Variants in ABLIM1 observed in about 807,000 individuals in gnomAD.
ABLIM1 encodes the protein actin-binding LIM protein 1.
In ABLIM1, 40 loss-of-function variants were observed where a neutral mutation model predicts 107.0. The ratio of observed to expected loss-of-function variants is 0.37; its 90% confidence interval spans 0.29 to 0.49. The LOEUF is 0.49. Ranked by LOEUF, ABLIM1 falls within the 20% of genes least tolerant of loss-of-function variation. The pLI is 0.97. For missense variants in ABLIM1, 857 were observed against 1,008.5 expected, an observed-to-expected ratio of 0.85 and a Z score of 2.04; for synonymous variants, 357 against 357.3, an observed-to-expected ratio of 1.00 and a Z score of 0.01.
chr10:114,470,573 T>A (rs2066311329), intron 10 of ABLIM1, among the ~76,000 whole-genome samples: 2 of 152,190 alleles, frequency 1.3e-5, no homozygotes, highest in Non-Finnish European at 1.5e-5. Context: ...TATATCTGAT[T>A]TCTGATCCCA....
intron 7 of ABLIM1, among the ~76,000 whole-genome samples, chr10:114,488,712 C>T (rs1203536619): frequency 7.9e-5 from 12 of 152,256 alleles, no homozygotes; most frequent in African/African-American, 2.2e-4. Context: ...CACTTTAATG[C>T]GTGGTACCAG....
chr10:114,440,795 T>C (rs1271231263), intron 19 of ABLIM1: 1 of 651,768 alleles, frequency 1.5e-6, no homozygotes, highest in Non-Finnish European at 2.8e-6. Context: ...GCACATAGTA[T>C]GAGCAATGAA....
chr10:114,748,260 T>C (rs1404289350), intron 1 of ABLIM1, among the ~76,000 whole-genome samples: 1 of 152,150 alleles, frequency 6.6e-6, no homozygotes, highest in Admixed American at 6.5e-5. Context: ...TTATCTCTAA[T>C]ATTTTTGAGT....
chr10:114,530,930 A>G (rs1727189087), intron 6 of ABLIM1, among the ~76,000 whole-genome samples: 1 of 152,258 alleles, frequency 6.6e-6, no homozygotes, highest in South Asian at 2.1e-4. Flanking sequence ...AAAATTCACC[A>G]CGGGAAAAAT....
intron 3 of ABLIM1, 57 bp downstream of exon 3, chr10:114,575,359 A>G (rs1213425451): frequency 6.3e-7 from 1 of 1,583,712 alleles, no homozygotes; most frequent in African/African-American, 1.3e-5. Flanking sequence ...TAACAGCCCA[A>G]ACCAGCATTT....
At chr10:114,461,995 T>A (rs994098858) in intron 12 of ABLIM1, among the ~76,000 whole-genome samples, 1 of 152,150 alleles carries the variant, frequency 6.6e-6, no homozygotes, top group African/African-American at 2.4e-5. Context: ...TTTCAAAACA[T>A]AGAGAATGCT....
intron 22 of ABLIM1, 124 bp downstream of exon 22, chr10:114,437,720 A>G: frequency 1.3e-6 from 1 of 783,766 alleles, no homozygotes; most frequent in South Asian, 1.8e-5. Flanking sequence ...TCTACCTATG[A>G]CATGAGGGTG....
intron 4 of ABLIM1, among the ~76,000 whole-genome samples, chr10:114,557,556 A>T (rs1189981782): frequency 6.6e-6 from 1 of 152,130 alleles, no homozygotes; most frequent in African/African-American, 2.4e-5. Flanking sequence ...TAGTTTTCAT[A>T]AATAGAGGCC....
At position 114,545,074 on chromosome 10, in the gene ABLIM1, C is replaced by T; in HGVS notation, c.825G>A (p.Lys275=). The T allele has an allele frequency of 1.2e-6, 2 of 1,614,182 alleles. No homozygotes were observed. Among genetic ancestry groups the T allele is most frequent in the Non-Finnish European group, 1.7e-6 (2 of 1,180,030 alleles). Residue 275 remains lysine (K), a synonymous_variant, in exon 6 of 23, where the codon AAG becomes AAA. Transcript: ENST00000533213. ...ISKDGAPYCE[K]DYQGLFGVKC... is the part of the protein sequence containing the mutation. ...TCACCCCAAAGAGTCCCTGGTAGTCCTTTTCACAGTACGGAGCACCATCCC... is the reference window on the plus strand; with the variant it reads ...TCACCCCAAAGAGTCCCTGGTAGTCTTTTTCACAGTACGGAGCACCATCCC...
chr10:114,471,412 T>C (rs1323559714), intron 10 of ABLIM1, among the ~76,000 whole-genome samples: 3 of 152,146 alleles, frequency 2.0e-5, no homozygotes, highest in African/African-American at 7.2e-5. Context: ...AAGGCCAATC[T>C]CTATGCACTT....
chr10:114,484,439 G>A (rs2057876291), intron 8 of ABLIM1, among the ~76,000 whole-genome samples: 2 of 152,086 alleles, frequency 1.3e-5, no homozygotes, highest in Admixed American at 6.5e-5. Context: ...CTGGAGTGCA[G>A]TGGCGCAATC....
At chr10:114,512,855 AGAAGGAAGGAAG>A (rs869261400) in intron 6 of ABLIM1, among the ~76,000 whole-genome samples, 19 of 51,320 alleles carry the variant, frequency 3.7e-4, no homozygotes, top group East Asian at 4.6e-4. Context: ...AAGGAAGGAA[AGAAGGAAGGAAG>A]GAAGGAAGGA....
chr10:114,462,759 T>C (rs1167446661), intron 12 of ABLIM1, among the ~76,000 whole-genome samples: 2 of 151,566 alleles, frequency 1.3e-5, no homozygotes, highest in Non-Finnish European at 2.9e-5. Flanking sequence ...AATAATAATA[T>C]ATATATATAT....
chr10:114,512,827 AGAAG>A (rs146841851), intron 6 of ABLIM1, among the ~76,000 whole-genome samples: 31,460 of 81,076 alleles, frequency 0.39, 9,208 homozygotes, highest in Middle Eastern at 0.48. Context: ...TCCATCAGAT[AGAAG>A]GAAGGAAGGA....
chr10:114,713,083 G>A (rs556920335), intron 1 of ABLIM1, among the ~76,000 whole-genome samples: 3 of 152,158 alleles, frequency 2.0e-5, no homozygotes, highest in Non-Finnish European at 4.4e-5. Context: ...ATTCTTGCCC[G>A]GTTATTTCTA....
At chr10:114,767,767 G>A (rs995080100) in intron 1 of ABLIM1, among the ~76,000 whole-genome samples, 1 of 152,274 alleles carries the variant, frequency 6.6e-6, no homozygotes, top group Admixed American at 6.5e-5. Context: ...CACAGCTCCC[G>A]GCAGGGCAGC....
At chr10:114,597,454 G>T (rs1411296874) in intron 2 of ABLIM1, among the ~76,000 whole-genome samples, 1 of 144,256 alleles carries the variant, frequency 6.9e-6, no homozygotes, top group Non-Finnish European at 1.5e-5. Context: ...CTAGAATGAA[G>T]GAAAGAAATG....
chr10:114,660,803 T>C (rs1345650861), upstream of ABLIM1, among the ~76,000 whole-genome samples: 1 of 152,208 alleles, frequency 6.6e-6, no homozygotes, highest in Admixed American at 6.5e-5. Context: ...GAAGGCAGGC[T>C]CTGGAACACA....
rs1193962838 is a variant in ABLIM1 at position 114,484,206 on chromosome 10, TA to T, written c.1041+3751del. On this transcript the variant is annotated intron_variant, in intron 8 of 22. Transcript: ENST00000533213. ...CTAGCTCTTCCACTTACCAGTAGAG[TA>T]ACTCTGGAGAAGTTACCTAACTATG... Among the ~76,000 whole-genome samples, 4 of 152,084 alleles carry T rather than the reference TA, an allele frequency of 2.6e-5. No homozygotes were observed. In the East Asian group the frequency reaches 7.7e-4, roughly 29 times the overall value.
Sources: allele counts gnomAD v4.1 joint callset (sites outside exome capture counted in the v4.1 genomes callset), GRCh38; gene constraint gnomAD v4.1.1; transcripts MANE v1.5; gene names NCBI Gene and HGNC (gene_info 2026-07-23, HGNC 2026-07-21).